RBFOX1: variants seen among roughly 807,000 people sequenced by gnomAD.
RBFOX1 encodes the protein RNA binding protein fox-1 homolog 1.
Under a neutral mutation model 57.7 loss-of-function variants are expected in RBFOX1, and 8 were observed. The ratio of observed to expected loss-of-function variants is 0.14; its 90% CI spans 0.08 to 0.25. The LOEUF is 0.25. Ranked by LOEUF, RBFOX1 falls within the 10% of genes least tolerant of loss-of-function variation. The pLI, the probability that RBFOX1 is intolerant of heterozygous loss-of-function variation, is 1.00. For missense variants in RBFOX1, 611 were observed against 548.5 expected (o/e 1.11, Z -1.14); for synonymous variants, 326 against 222.4 (o/e 1.47, Z -4.15).
chr16:6,661,409 T>C (rs555992685), intron 3 of RBFOX1, among the ~76,000 whole-genome samples: 1 of 152,126 alleles, frequency 6.6e-6, no homozygotes, highest in African/African-American at 2.4e-5. Flanking sequence ...GTGTCTGAGA[T>C]TGGCTAAAGG....
chr16:7,417,684 C>A (rs920864252), intron 4 of RBFOX1, among the ~76,000 whole-genome samples: 1 of 152,126 alleles, frequency 6.6e-6, no homozygotes, highest in Admixed American at 6.5e-5. Context: ...GACCTCCCTC[C>A]CTGCTCCATA....
chr16:6,973,665 TAAAC>T (rs1331523443), intron 3 of RBFOX1, among the ~76,000 whole-genome samples: 1 of 152,164 alleles, frequency 6.6e-6, no homozygotes, highest in East Asian at 1.9e-4. Context: ...GACTGAAAAA[TAAAC>T]CCATTTGGGA....
At chr16:5,657,074 A>G (rs954562655) in intron 3 of RBFOX1, among the ~76,000 whole-genome samples, 4 of 152,204 alleles carry the variant, frequency 2.6e-5, no homozygotes, top group Non-Finnish European at 5.9e-5. Context: ...TGTTCTGCAC[A>G]TGTATCCCAG....
intron 2 of RBFOX1, among the ~76,000 whole-genome samples, chr16:5,535,453 C>G (rs1345607714): frequency 6.6e-6 from 1 of 152,178 alleles, no homozygotes; most frequent in Admixed American, 6.5e-5. Flanking sequence ...CATTCTGATT[C>G]CAAACCCAAG....
chr16:6,861,091 T>C (rs998744040), intron 3 of RBFOX1, among the ~76,000 whole-genome samples: 3 of 152,158 alleles, frequency 2.0e-5, no homozygotes, highest in African/African-American at 7.2e-5. Context: ...ATATTTGTTA[T>C]ATTTTATGTT....
intron 3 of RBFOX1, among the ~76,000 whole-genome samples, chr16:6,964,060 C>G (rs764743812): frequency 6.6e-6 from 1 of 151,910 alleles, no homozygotes; most frequent in Non-Finnish European, 1.5e-5. Context: ...GCTCTGTCAC[C>G]CAGGCTGGAG....
intron 3 of RBFOX1, among the ~76,000 whole-genome samples, chr16:6,935,010 C>T (rs1434517362): frequency 6.6e-6 from 1 of 151,958 alleles, no homozygotes; most frequent in African/African-American, 2.4e-5. Flanking sequence ...ACTGCTTGAG[C>T]CCAGGAGGCA....
intron 2 of RBFOX1, among the ~76,000 whole-genome samples, chr16:6,528,608 A>G (rs888690349): frequency 6.6e-6 from 1 of 152,186 alleles, no homozygotes; most frequent in East Asian, 1.9e-4. Flanking sequence ...ATACGATTTT[A>G]AAATGACATC....
At chr16:6,704,456 G>C (rs1440974197) in intron 3 of RBFOX1, 1 of 152,296 alleles carries the variant, frequency 6.6e-6, no homozygotes, top group Non-Finnish European at 1.5e-5. Flanking sequence ...CTGGGCTCAG[G>C]ACTTTCCTCT....
At chr16:6,212,857 T>A (rs756297185) in intron 1 of RBFOX1, among the ~76,000 whole-genome samples, 5 of 152,178 alleles carry the variant, frequency 3.3e-5, no homozygotes, top group African/African-American at 7.2e-5. Flanking sequence ...CTGAAAAAGG[T>A]AAGAAGAAGA....
At chr16:7,121,187 C>T (rs2067101478) in intron 4 of RBFOX1, among the ~76,000 whole-genome samples, 1 of 152,046 alleles carries the variant, frequency 6.6e-6, no homozygotes. Context: ...TGACTGCTAT[C>T]TCCATTAGAG....
chr16:5,990,755 G>T (rs2060378880), intron 4 of RBFOX1, among the ~76,000 whole-genome samples: 1 of 152,192 alleles, frequency 6.6e-6, no homozygotes, highest in Admixed American at 6.5e-5. Flanking sequence ...ATCGCTGGAG[G>T]TCAGGAGTTC....
rs919784552 is a variant in RBFOX1, at chr16:6,614,667, T to C, written c.-63-39936T>C. ...AAGTAGCCTCTTTCCTTACTCCTAG[T>C]GATTTGCCCCACAGTCTTTGGTGTT... On this transcript the variant is annotated intron_variant, in intron 2 of 15. Coordinates refer to ENST00000550418, the MANE Select transcript of RBFOX1 (RefSeq NM_018723.4). 2.0e-5 allele frequency among the ~76,000 whole-genome samples: 3 copies of C among 152,200 alleles called. No individual in the cohort carries two copies. In the East Asian group the frequency reaches 5.8e-4, roughly 29 times the overall value.
chr16:7,197,440 GAAAAAAAAAA>G (rs57893229), intron 4 of RBFOX1, among the ~76,000 whole-genome samples: 1 of 91,326 alleles, frequency 1.1e-5, no homozygotes, highest in African/African-American at 4.3e-5. Context: ...CCTGTGAGTG[GAAAAAAAAAA>G]AAAAAAAAAA....
chr16:6,868,205 C>G (rs1346977648), intron 3 of RBFOX1, among the ~76,000 whole-genome samples: 2 of 152,004 alleles, frequency 1.3e-5, no homozygotes, highest in Admixed American at 6.6e-5. Context: ...GTTACAGCCT[C>G]CAAGTCATTT....
chr16:5,422,235 GGGA>G (rs374578519), intron 1 of RBFOX1, among the ~76,000 whole-genome samples: 33 of 144,146 alleles, frequency 2.3e-4, no homozygotes, highest in African/African-American at 6.6e-4. Flanking sequence ...GAGAGGGAGA[GGGA>G]GGAGGAGCAG....
rs529927270 is a variant in RBFOX1, at chr16:7,063,100, C to A, written c.27+11002C>A. Among the ~76,000 whole-genome samples the A allele has an allele frequency of 5.3e-5, 8 of 151,960 alleles. No individual in the cohort carries two copies. In the South Asian group the frequency reaches 1.7e-3, roughly 32 times the overall value. ...ATGCCTCCCTGATGCCTCTGTGAAT[C>A]GGCGCTGACTTTATGTATTGACAGC... On this transcript the variant is annotated intron_variant, in intron 4 of 15. Coordinates refer to ENST00000550418, the MANE Select transcript of RBFOX1 (RefSeq NM_018723.4).
At chr16:6,662,130 G>C (rs1247367662) in intron 3 of RBFOX1, among the ~76,000 whole-genome samples, 1 of 70,790 alleles carries the variant, frequency 1.4e-5, no homozygotes, top group African/African-American at 4.4e-5. Context: ...GAGGGCTGGG[G>C]GCGGGGTGAA....
chr16:7,078,538 G>C (rs905897715), intron 4 of RBFOX1, among the ~76,000 whole-genome samples: 6 of 151,586 alleles, frequency 4.0e-5, no homozygotes, highest in African/African-American at 1.5e-4. Flanking sequence ...AGGAGAGTCA[G>C]GGTTTTGCCG....
Sources: gnomAD v4.1 joint callset for allele counts (sites outside exome capture counted in the v4.1 genomes callset) on GRCh38, gnomAD v4.1.1 for gene constraint, MANE v1.5 for transcripts, NCBI Gene and HGNC (gene_info 2026-07-23, HGNC 2026-07-21) for gene names.